ZDHHC3: variants seen among roughly 807,000 people sequenced by gnomAD.
The protein encoded by ZDHHC3 is palmitoyltransferase ZDHHC3.
ZDHHC3 carries 9 observed loss-of-function variants against 30.6 expected under a neutral mutation model. That is an observed-to-expected ratio of 0.29 (90% CI 0.18 to 0.51). The LOEUF (loss-of-function observed/expected upper bound fraction) is 0.51. Among genes scored for constraint, ZDHHC3 ranks in the 20% least tolerant of loss-of-function variants. The pLI, the probability that ZDHHC3 is intolerant of heterozygous loss-of-function variation, is 0.97. For synonymous variants in ZDHHC3, 136 were observed against 140.2 expected (o/e 0.97, Z 0.21); for missense variants, 246 against 384.2 (o/e 0.64, Z 3.01).
At chr3:44,955,375 A>AATTGTTCAGAT (rs1174662508) in intron 2 of ZDHHC3, among the ~76,000 whole-genome samples, 1 of 151,836 alleles carries the variant, frequency 6.6e-6, no homozygotes, top group Non-Finnish European at 1.5e-5. Flanking sequence ...TAGTGGTTGC[A>AATTGTTCAGAT]ATTGTTCAGA....
Position 44,959,060 on chromosome 3 carries a change from G to C in ZDHHC3, c.306+71C>G. On this transcript the variant is annotated intron_variant, in intron 2 of 6. Coordinates refer to ENST00000424952, the MANE Select transcript of ZDHHC3 (RefSeq NM_001135179.2). This position sits in a 1 kb window ranked among gnomAD's most constrained non-coding sequence, Gnocchi z 4.3. Reference sequence around the variant, plus strand: ...AGTTCCCAAGGTCCAGGGGGAACATGCAGGCTGTGGCCATGCCAGAGCCAG... The same window carrying C: ...AGTTCCCAAGGTCCAGGGGGAACATCCAGGCTGTGGCCATGCCAGAGCCAG... 1 of 1,551,620 alleles carries C rather than the reference G, an allele frequency of 6.4e-7. No homozygotes were observed. The highest frequency in any genetic ancestry group is 8.8e-7 in the Non-Finnish European group (1 of 1,134,468).
At chr3:44,963,572 G>C (rs912660683) in intron 1 of ZDHHC3, among the ~76,000 whole-genome samples, 11 of 151,026 alleles carry the variant, frequency 7.3e-5, no homozygotes, top group Admixed American at 6.6e-5. Flanking sequence ...AAACAAAAAA[G>C]GCAAATATGG....
rs554564831 is a variant in ZDHHC3 at position 44,965,997 on chromosome 3, T to C, written c.-24-6537A>G. Among the ~76,000 whole-genome samples the C allele has an allele frequency of 5.3e-5, 8 of 152,318 alleles. No individual in the cohort carries two copies. The South Asian group carries it at 1.4e-3, about 28-fold the overall frequency. On this transcript the variant is annotated intron_variant, in intron 1 of 6. Transcript: ENST00000424952. The stretch of plus-strand genomic sequence containing the variant: ...CATCTTGAGACGGTACAAAGTAGCA[T>C]CAACAAAGGGCAATTAATTCAACCA...
chr3:44,934,065 C>T, intron 3 of ZDHHC3, 81 bp from the exon 4 acceptor site: 1 of 1,314,612 alleles, frequency 7.6e-7, no homozygotes, highest in Non-Finnish European at 1.1e-6. Flanking sequence ...ACCCATGGCT[C>T]CTGCTCCACT....
At chr3:44,971,689 A>G (rs1354114129) in intron 1 of ZDHHC3, among the ~76,000 whole-genome samples, 1 of 152,170 alleles carries the variant, frequency 6.6e-6, no homozygotes, top group African/African-American at 2.4e-5. Context: ...CATAGGAAAC[A>G]TGCTGTCACT....
chr3:44,974,151 A>G (rs1482680359), intron 1 of ZDHHC3, among the ~76,000 whole-genome samples: 1 of 152,232 alleles, frequency 6.6e-6, no homozygotes, highest in Non-Finnish European at 1.5e-5. Context: ...GGAACATTCT[A>G]CTGTTTACAT....
intron 1 of ZDHHC3, among the ~76,000 whole-genome samples, chr3:44,970,624 T>C (rs1252107186): frequency 3.9e-5 from 6 of 152,244 alleles, no homozygotes; most frequent in African/African-American, 1.4e-4. Context: ...AAAGCTTCAC[T>C]TACCTCTTTT....
At chr3:44,963,000 G>C (rs1704613498) in intron 1 of ZDHHC3, among the ~76,000 whole-genome samples, 1 of 152,170 alleles carries the variant, frequency 6.6e-6, no homozygotes, top group Non-Finnish European at 1.5e-5. Context: ...CCCAGTGGCT[G>C]GCACAGAGTA....
At chr3:44,940,531 G>A (rs918952631) in intron 3 of ZDHHC3, among the ~76,000 whole-genome samples, 6 of 152,160 alleles carry the variant, frequency 3.9e-5, no homozygotes, top group African/African-American at 9.7e-5. Context: ...CTGTAAGCTG[G>A]TGAGCTCCAT....
At chr3:44,953,707 A>G (rs919649697) in intron 2 of ZDHHC3, among the ~76,000 whole-genome samples, 1 of 152,172 alleles carries the variant, frequency 6.6e-6, no homozygotes, top group Non-Finnish European at 1.5e-5. Context: ...TTGGTCCCCA[A>G]ATGGGCTGCT....
intron 5 of ZDHHC3, among the ~76,000 whole-genome samples, chr3:44,931,705 C>T (rs1701502439): frequency 6.6e-6 from 1 of 152,194 alleles, no homozygotes; most frequent in African/African-American, 2.4e-5. Flanking sequence ...TAATCAAGAG[C>T]ATGGCTGGGA....
chr3:44,918,593 G>T lies in ZDHHC3; in HGVS notation c.*8096C>A. 3 of 985,454 alleles carry T rather than the reference G, an allele frequency of 3.0e-6. No homozygotes were observed. Among genetic ancestry groups the T allele is most frequent in the Non-Finnish European group, 3.6e-6 (3 of 829,938 alleles). The allele number at this position is 985,454 out of a possible 1,614,324, so 61.0% of individuals were successfully genotyped here. A position where few individuals can be genotyped will look rare whatever the true frequency, so the allele number is the denominator to read the frequency against. On this transcript the variant is annotated 3_prime_UTR_variant, in exon 7 of 7. Transcript: ENST00000424952. ...AGGGTAGATAGGGGCTGCAAACACA[G>T]CAGAAGGACGATGGGGTTAAGGAAG...
chr3:44,959,000 A>T, intron 2 of ZDHHC3, 131 bp downstream of exon 2: 1 of 1,122,924 alleles, frequency 8.9e-7, no homozygotes, highest in Non-Finnish European at 1.3e-6. Flanking sequence ...GCAGAGATCT[A>T]CTTCCTCACC....
intron 1 of ZDHHC3, among the ~76,000 whole-genome samples, chr3:44,973,991 T>C (rs560622257): frequency 6.6e-6 from 1 of 152,338 alleles, no homozygotes; most frequent in African/African-American, 2.4e-5. Context: ...GTTCTTTGAA[T>C]TACTTCAATA....
chr3:44,930,980 C>T (rs529534236), intron 5 of ZDHHC3, among the ~76,000 whole-genome samples: 1 of 152,324 alleles, frequency 6.6e-6, no homozygotes, highest in Non-Finnish European at 1.5e-5. Flanking sequence ...TCTGTTCCAG[C>T]CCCTGTGTCT....
At chr3:44,972,563 A>G (rs1705488567) in intron 1 of ZDHHC3, among the ~76,000 whole-genome samples, 1 of 152,178 alleles carries the variant, frequency 6.6e-6, no homozygotes, top group Non-Finnish European at 1.5e-5. Flanking sequence ...GATGGGTGGG[A>G]CAGAGTTACT....
At chr3:44,928,198 T>G (rs1221447158) in intron 6 of ZDHHC3, among the ~76,000 whole-genome samples, 1 of 152,238 alleles carries the variant, frequency 6.6e-6, no homozygotes, top group African/African-American at 2.4e-5. Context: ...AGAAACTCTT[T>G]TGCAATGACA....
At chr3:44,935,648 A>T (rs1477513334) in intron 3 of ZDHHC3, among the ~76,000 whole-genome samples, 2 of 152,200 alleles carry the variant, frequency 1.3e-5, no homozygotes, top group Non-Finnish European at 2.9e-5. Context: ...ATAGTTCAAC[A>T]ATGTACAGCC....
chr3:44,960,556 A>G (rs1175559615), intron 1 of ZDHHC3, among the ~76,000 whole-genome samples: 1 of 152,226 alleles, frequency 6.6e-6, no homozygotes, highest in Admixed American at 6.5e-5. Flanking sequence ...AAGACACAGA[A>G]AGCATAGATT....
Sources: gnomAD v4.1 joint callset for allele counts (sites outside exome capture counted in the v4.1 genomes callset) on GRCh38, gnomAD v4.1.1 for gene constraint, Gnocchi (gnomAD v3.1) non-coding constraint, MANE v1.5 for transcripts, NCBI Gene and HGNC (gene_info 2026-07-23, HGNC 2026-07-21) for gene names.